Variants in OCA2 observed in about 807,000 individuals in gnomAD.
OCA2 encodes the protein P protein.
Under a neutral mutation model 100.2 loss-of-function variants are expected in OCA2, and 77 were observed. The observed-to-expected ratio is 0.77, with a 90% CI of 0.64 to 0.93. The LOEUF is 0.93. Ranked by LOEUF, OCA2 falls within the 40% of genes least tolerant of loss-of-function variation. The pLI, the probability that OCA2 is intolerant of heterozygous loss-of-function variation, is 0.00. For synonymous variants in OCA2, 432 were observed against 439.2 expected (o/e 0.98, Z 0.21); for missense variants, 1,062 against 1,089.1 (o/e 0.98, Z 0.35).
At chr15:27,732,497 A>G in the OCA2 span, among the ~76,000 whole-genome samples, 1 of 152,182 alleles carries the variant, frequency 6.6e-6, no homozygotes, top group Non-Finnish European at 1.5e-5. Context: ...TGCCAGCAGA[A>G]GACTTCACAG....
chr15:27,761,006 T>C (rs1439766077), intron 23 of OCA2, among the ~76,000 whole-genome samples: 1 of 151,952 alleles, frequency 6.6e-6, no homozygotes, highest in Non-Finnish European at 1.5e-5. Flanking sequence ...AACATAATAC[T>C]TAATAAGGAG....
intron 9 of OCA2, among the ~76,000 whole-genome samples, chr15:28,011,668 A>C (rs145151390): frequency 0.014 from 2,050 of 150,814 alleles, 41 homozygotes; most frequent in African/African-American, 0.048. Context: ...GTAATCCCAG[A>C]ACTTTGGGAG....
chr15:27,954,158 C>CACCT (rs2040139271), intron 17 of OCA2, among the ~76,000 whole-genome samples: 1 of 40,354 alleles, frequency 2.5e-5, no homozygotes, highest in African/African-American at 4.0e-5. Flanking sequence ...CACACACACA[C>CACCT]ACCTAGGGTC....
downstream of OCA2, among the ~76,000 whole-genome samples, chr15:27,749,954 A>G (rs2030012999): frequency 6.6e-6 from 1 of 152,214 alleles, no homozygotes; most frequent in Non-Finnish European, 1.5e-5. Context: ...ACATCAGGTC[A>G]AGTTTTTTAA....
intron 19 of OCA2, among the ~76,000 whole-genome samples, chr15:27,879,603 G>A (rs184246829): frequency 6.6e-6 from 1 of 152,276 alleles, no homozygotes; most frequent in Admixed American, 6.5e-5. Flanking sequence ...AACGATTAGT[G>A]ATGTTGAGAT....
intron 11 of OCA2, among the ~76,000 whole-genome samples, chr15:27,989,320 T>A (rs2041467322): frequency 6.6e-6 from 1 of 152,108 alleles, no homozygotes; most frequent in Non-Finnish European, 1.5e-5. Flanking sequence ...ATAGTCCATT[T>A]TTTTTATTTT....
chr15:28,084,016 T>C (rs1282425489), intron 1 of OCA2, among the ~76,000 whole-genome samples: 1 of 152,132 alleles, frequency 6.6e-6, no homozygotes, highest in African/African-American at 2.4e-5. Flanking sequence ...TGTAATGGGA[T>C]GGTATTCAGA....
Position 27,957,568 on chromosome 15 carries a change from A to G in OCA2, c.1784+20T>C. 1 of 1,611,670 alleles carries G rather than the reference A, an allele frequency of 6.2e-7. No homozygotes were observed. Among genetic ancestry groups the G allele is most frequent in the Non-Finnish European group, 8.5e-7 (1 of 1,179,752 alleles). ...TCTGCTGCACACCAAGCACAGTCTGAGCAGGACCCCGCCCGGTACCTGTGG... is the reference window on the plus strand; with the variant it reads ...TCTGCTGCACACCAAGCACAGTCTGGGCAGGACCCCGCCCGGTACCTGTGG... On this transcript the variant is annotated intron_variant, in intron 16 of 23. Transcript: ENST00000354638. The surrounding 1 kb of genome is among the most constrained non-coding windows in gnomAD (Gnocchi z 4.3).
At chr15:27,925,364 A>G (rs1157467329) in intron 19 of OCA2, among the ~76,000 whole-genome samples, 1 of 152,226 alleles carries the variant, frequency 6.6e-6, no homozygotes, top group African/African-American at 2.4e-5. Flanking sequence ...AAAGGACTGC[A>G]ATTGTGCAAT....
intron 18 of OCA2, among the ~76,000 whole-genome samples, chr15:27,950,343 G>T (rs981762128): frequency 5.9e-5 from 9 of 152,130 alleles, no homozygotes; most frequent in African/African-American, 2.2e-4. Context: ...TAACATTCTT[G>T]TAGTCATTAA....
intron 19 of OCA2, among the ~76,000 whole-genome samples, chr15:27,918,089 A>ATTTTT (rs34943192): frequency 1.9e-5 from 2 of 103,206 alleles, no homozygotes; most frequent in Admixed American, 1.1e-4. Context: ...CTCCCTCTTG[A>ATTTTT]TTTTTTTTTT....
At chr15:28,038,746 C>G (rs189693404) in intron 2 of OCA2, among the ~76,000 whole-genome samples, 13 of 152,334 alleles carry the variant, frequency 8.5e-5, no homozygotes, top group African/African-American at 2.6e-4. Flanking sequence ...TCTCTAGGTT[C>G]AAGGCACACC....
chr15:27,867,967 T>C (rs1001912747), intron 21 of OCA2, among the ~76,000 whole-genome samples: 4 of 152,194 alleles, frequency 2.6e-5, no homozygotes, highest in African/African-American at 9.7e-5. Flanking sequence ...CTCAGGGAGC[T>C]GCCTTCATGA....
intron 18 of OCA2, among the ~76,000 whole-genome samples, chr15:27,931,235 C>A (rs1273219763): frequency 1.3e-5 from 2 of 152,030 alleles, no homozygotes; most frequent in Non-Finnish European, 2.9e-5. Context: ...AAAAAAAAAT[C>A]TCTTAAATAA....
intron 1 of OCA2, among the ~76,000 whole-genome samples, chr15:28,095,324 C>A (rs940662490): frequency 3.3e-5 from 5 of 152,210 alleles, no homozygotes; most frequent in Non-Finnish European, 7.3e-5. Flanking sequence ...GGCCCTCCCA[C>A]CCCGCCCCTG....
chr15:28,001,966 T>C (rs1214823997), intron 9 of OCA2, among the ~76,000 whole-genome samples: 1 of 152,208 alleles, frequency 6.6e-6, no homozygotes, highest in East Asian at 1.9e-4. Flanking sequence ...CACGGCACTC[T>C]GCACCATAAG....
chr15:27,886,544 A>G (rs2037230973), intron 19 of OCA2, among the ~76,000 whole-genome samples: 1 of 152,208 alleles, frequency 6.6e-6, no homozygotes, highest in South Asian at 2.1e-4. Flanking sequence ...ACTTCAAAAC[A>G]CTGAAAAACA....
intron 9 of OCA2, among the ~76,000 whole-genome samples, chr15:27,996,946 A>G (rs568531200): frequency 1.3e-5 from 2 of 151,902 alleles, no homozygotes; most frequent in South Asian, 4.2e-4. Context: ...TGTTTTATAA[A>G]GCTGGTGTTA....
intron 1 of OCA2, among the ~76,000 whole-genome samples, chr15:28,095,274 G>A (rs968495882): frequency 6.6e-6 from 1 of 152,092 alleles, no homozygotes; most frequent in South Asian, 2.1e-4. Flanking sequence ...CAGCCAGGCC[G>A]CCCTGCGCAC....
Sources: allele counts gnomAD v4.1 joint callset (sites outside exome capture counted in the v4.1 genomes callset), GRCh38; gene constraint gnomAD v4.1.1; non-coding constraint Gnocchi (gnomAD v3.1); transcripts MANE v1.5; gene names NCBI Gene and HGNC (gene_info 2026-07-23, HGNC 2026-07-21).